The following DCX variants were observed in gnomAD, a reference collection of about 807,000 sequenced individuals.
The protein encoded by DCX is neuronal migration protein doublecortin.
In DCX, 4 loss-of-function variants were observed where a neutral mutation model predicts 20.9. The ratio of observed to expected loss-of-function variants is 0.19; its 90% CI spans 0.09 to 0.44. The LOEUF (loss-of-function observed/expected upper bound fraction) is 0.44, where lower values mean the gene tolerates loss of function less well. DCX is among the 20% of genes least tolerant of loss of function. The probability of loss-of-function intolerance (pLI) is 0.99; values close to 1 mark genes in which losing one functional copy is unlikely to be tolerated. For missense variants in DCX, 133 were observed against 296.9 expected, an observed-to-expected ratio of 0.45 and a Z score of 4.06; for synonymous variants, 103 against 111.4, an observed-to-expected ratio of 0.92 and a Z score of 0.47.
chrX:111,373,796 C>T (rs1302590727), intron 3 of DCX, among the ~76,000 whole-genome samples: 4 of 111,628 alleles, frequency 3.6e-5, no homozygotes, highest in South Asian at 7.6e-4. Context: ...ATCACAAGAA[C>T]CCTCTGAAGC....
intron 6 of DCX, among the ~76,000 whole-genome samples, chrX:111,307,543 A>G (rs1182820414): frequency 1.8e-5 from 2 of 111,605 alleles, no homozygotes; most frequent in Admixed American, 1.9e-4. Context: ...TACATTTTCC[A>G]TTTAACTTCC....
intron 6 of DCX, among the ~76,000 whole-genome samples, chrX:111,304,972 C>G (rs1413536249): frequency 2.7e-5 from 3 of 111,807 alleles, no homozygotes; most frequent in Non-Finnish European, 5.6e-5. Context: ...TGTAAACTGC[C>G]TGGCAGAGCA....
At position 111,331,047 on chromosome X, in the gene DCX, G is replaced by C. The variant is rs761522791; in HGVS notation, c.809-6C>G. The C allele has an allele frequency of 2.5e-6, 3 of 1,208,651 alleles. No homozygotes were observed. The African/African-American group carries it at 5.3e-5, about 21-fold the overall frequency. On this transcript the variant is annotated splice_region_variant and splice_polypyrimidine_tract_variant and intron_variant, in intron 4 of 6. Coordinates refer to ENST00000636035, the MANE Select transcript of DCX (RefSeq NM_001195553.2). ...TCCCTTCATGACTCGGCATTCTGGG[G>C]CAAAAGGACACAGACAGCTTAGTAG... is the stretch of plus-strand genomic sequence containing the variant.
intron 3 of DCX, among the ~76,000 whole-genome samples, chrX:111,393,892 C>T (rs751609151): frequency 4.0e-4 from 44 of 110,437 alleles, no homozygotes; most frequent in Admixed American, 7.7e-4. Flanking sequence ...TCATACAATA[C>T]GAATAAGGAT....
intron 3 of DCX, among the ~76,000 whole-genome samples, chrX:111,357,368 T>C (rs961295367): frequency 8.9e-6 from 1 of 112,186 alleles, no homozygotes; most frequent in African/African-American, 3.2e-5. Context: ...TTTGGTTCCT[T>C]AGGATTCCTC....
At chrX:111,312,185 C>T (rs755508699) in intron 6 of DCX, among the ~76,000 whole-genome samples, 1 of 112,542 alleles carries the variant, frequency 8.9e-6, no homozygotes, top group Non-Finnish European at 1.9e-5. Context: ...AAAGTAGGAG[C>T]TATTCATTTG....
At chrX:111,346,703 C>T (rs1413637932) in intron 3 of DCX, among the ~76,000 whole-genome samples, 1 of 111,910 alleles carries the variant, frequency 8.9e-6, no homozygotes, top group Non-Finnish European at 1.9e-5. Flanking sequence ...ATTAATTGCA[C>T]ACATTAAAAT....
Position 111,301,665 on chromosome X carries a change from A to G in DCX, c.*22T>C. ...TGATAGGCTTGGATTTGTACTCTGG[A>G]CTCTGAGCACTCTCCCCTCCTTTAC... On this transcript the variant is annotated 3_prime_UTR_variant, in exon 7 of 7. Transcript: ENST00000636035. 8.3e-7 allele frequency: 1 copy of G among 1,207,155 alleles called. No homozygotes were observed.
intron 3 of DCX, among the ~76,000 whole-genome samples, chrX:111,349,120 T>C (rs1181453992): frequency 1.8e-5 from 2 of 111,648 alleles, no homozygotes; most frequent in African/African-American, 3.3e-5. Context: ...GTTTTCTATA[T>C]AGTTTAGGGG....
intron 3 of DCX, among the ~76,000 whole-genome samples, chrX:111,382,780 A>G (rs1039287497): frequency 8.9e-6 from 1 of 111,825 alleles, no homozygotes; most frequent in Non-Finnish European, 1.9e-5. Flanking sequence ...CAAACAAGGT[A>G]TGTGAATCAG....
intron 3 of DCX, among the ~76,000 whole-genome samples, chrX:111,363,626 ACCT>A (rs1172796898): frequency 1.8e-5 from 2 of 110,110 alleles, no homozygotes; most frequent in Non-Finnish European, 3.8e-5. Context: ...TGTCCTACAA[ACCT>A]CCTAGTTTCA....
At chrX:111,352,086 T>C (rs1923357677) in intron 3 of DCX, among the ~76,000 whole-genome samples, 1 of 111,375 alleles carries the variant, frequency 9.0e-6, no homozygotes, top group South Asian at 3.9e-4. Flanking sequence ...CAGAAAATAT[T>C]GGACAATATC....
chrX:111,323,111 G>A (rs2095090597), intron 5 of DCX, among the ~76,000 whole-genome samples: 2 of 111,755 alleles, frequency 1.8e-5, no homozygotes, highest in Admixed American at 1.9e-4. Context: ...TTCTGGTGGA[G>A]CTAGCCTGTT....
chrX:111,404,098 G>A (rs1404465460), intron 2 of DCX, among the ~76,000 whole-genome samples: 1 of 36,361 alleles, frequency 2.8e-5, no homozygotes, highest in Admixed American at 2.8e-4. Flanking sequence ...ATAAAATGCT[G>A]ATCCCAGAGC....
chrX:111,305,252 T>C (rs1478189757), intron 6 of DCX, among the ~76,000 whole-genome samples: 4 of 111,806 alleles, frequency 3.6e-5, no homozygotes, highest in Non-Finnish European at 7.5e-5. Flanking sequence ...AAAAAAATAG[T>C]AAATGCGTAA....
At position 111,344,037 on chromosome X, in the gene DCX, G is replaced by C. The variant is rs149183089; in HGVS notation, c.706-10884C>G. On this transcript the variant is annotated intron_variant, in intron 3 of 6. Transcript: ENST00000636035. ...CAAGTAGCACATCAAAAAAACTTAT[G>C]CATCATGAACAAGTCGGCTTCATCC... 3.6e-3 allele frequency among the ~76,000 whole-genome samples: 397 copies of C among 111,776 alleles called. 3 individuals carry two copies. Among genetic ancestry groups the C allele is most frequent in the African/African-American group, 0.012 (377 of 30,763 alleles).
At chrX:111,336,750 T>G (rs1311957294) in intron 3 of DCX, among the ~76,000 whole-genome samples, 1 of 112,276 alleles carries the variant, frequency 8.9e-6, no homozygotes, top group Non-Finnish European at 1.9e-5. Context: ...GGCATATCTA[T>G]AGCCTAGACA....
chrX:111,345,706 C>T (rs1428191728), intron 3 of DCX, among the ~76,000 whole-genome samples: 2 of 111,517 alleles, frequency 1.8e-5, no homozygotes, highest in Non-Finnish European at 3.8e-5. Flanking sequence ...CTATCTCACG[C>T]CAGTCATGCG....
Position 111,410,232 on chromosome X carries a change from C to T in DCX, c.167G>A (p.Arg56His). Residue 56 changes from arginine to histidine, a missense_variant, in exon 2 of 7, where the codon CGT (arginine) becomes CAT (histidine). Coordinates refer to ENST00000636035, the MANE Select transcript of DCX (RefSeq NM_001195553.2). Reference sequence around the variant, plus strand: ...GTAGCGGTCCCCATTGCGGTAGAAACGTACCTTCTTGGCTTTCTTCTCATT... The same window carrying T: ...GTAGCGGTCCCCATTGCGGTAGAAATGTACCTTCTTGGCTTTCTTCTCATT... ...LSNEKKAKKV[R>H]FYRNGDRYFK... 8.3e-7 allele frequency: 1 copy of T among 1,211,638 alleles called. No individual in the cohort carries two copies. The highest frequency in any genetic ancestry group is 1.1e-6 in the Non-Finnish European group (1 of 895,497).
Sources: allele counts gnomAD v4.1 joint callset (sites outside exome capture counted in the v4.1 genomes callset), GRCh38; gene constraint gnomAD v4.1.1; transcripts MANE v1.5; gene names NCBI Gene and HGNC (gene_info 2026-07-23, HGNC 2026-07-21).